Variants in PCCA observed in about 807,000 individuals in gnomAD.
PCCA encodes the protein propionyl-CoA carboxylase alpha chain, mitochondrial.
In PCCA, 74 loss-of-function variants were observed where a neutral mutation model predicts 101.3. The observed-to-expected ratio is 0.73, with a 90% CI of 0.61 to 0.89. The LOEUF (loss-of-function observed/expected upper bound fraction) is 0.89, where lower values mean the gene tolerates loss of function less well. PCCA is among the 40% of genes least tolerant of loss of function. The probability of loss-of-function intolerance (pLI) is 0.00; values close to 1 mark genes in which losing one functional copy is unlikely to be tolerated. For synonymous variants in PCCA, 294 were observed against 313.6 expected (o/e 0.94, Z 0.66); for missense variants, 891 against 907.0 (o/e 0.98, Z 0.23).
chr13:100,410,141 G>T (rs2077943850), intron 19 of PCCA, among the ~76,000 whole-genome samples: 1 of 152,184 alleles, frequency 6.6e-6, no homozygotes, highest in African/African-American at 2.4e-5. Flanking sequence ...TATATGGACT[G>T]GGATTCTTTG....
intron 6 of PCCA, among the ~76,000 whole-genome samples, chr13:100,173,526 G>C (rs971175181): frequency 6.6e-6 from 1 of 152,166 alleles, no homozygotes; most frequent in African/African-American, 2.4e-5. Context: ...CCTAGAGAAA[G>C]GTAGACAAGT....
Position 100,493,562 on chromosome 13 carries a change from C to T in PCCA, c.1900-21865C>T, listed in dbSNP as rs146002907. Among the ~76,000 whole-genome samples the T allele has an allele frequency of 2.2e-4, 33 of 152,280 alleles. No individual in the cohort carries two copies. The East Asian group carries it at 5.8e-3, about 27-fold the overall frequency. On this transcript the variant is annotated intron_variant, in intron 21 of 23. Transcript: ENST00000376285. ...TTGATAAGACTGCCTCAAGCATGTG[C>T]CACAACCCCAGTTCTTGCAAACCCC... is the stretch of plus-strand genomic sequence containing the variant.
chr13:100,105,745 G>A (rs1361915630), intron 2 of PCCA, among the ~76,000 whole-genome samples: 8 of 143,968 alleles, frequency 5.6e-5, no homozygotes, highest in African/African-American at 2.0e-4. Context: ...AGGAAGCTAA[G>A]TTGGGAGGAT....
At chr13:100,340,118 A>G in intron 17 of PCCA, 39 bp from the exon 18 acceptor site, 1 of 1,073,192 alleles carries the variant, frequency 9.3e-7, no homozygotes, top group South Asian at 1.2e-5. Context: ...TGTTAAAATA[A>G]ATGATTGATT....
intron 21 of PCCA, among the ~76,000 whole-genome samples, chr13:100,454,378 A>G (rs1031524544): frequency 1.3e-5 from 2 of 152,202 alleles, no homozygotes; most frequent in Non-Finnish European, 2.9e-5. Context: ...TGGATGGCCA[A>G]TGTGCTTTGT....
intron 21 of PCCA, among the ~76,000 whole-genome samples, chr13:100,498,672 C>T (rs9518085): frequency 0.23 from 34,526 of 151,988 alleles, 4,012 homozygotes; most frequent in Non-Finnish European, 0.25. Context: ...CCACCTCCCC[C>T]AGCAACCCCT....
At chr13:100,218,329 G>T (rs2059631371) in intron 7 of PCCA, among the ~76,000 whole-genome samples, 1 of 148,070 alleles carries the variant, frequency 6.8e-6, no homozygotes, top group Non-Finnish European at 1.5e-5. Flanking sequence ...CCACCACCAT[G>T]TCTGGCTATG....
intron 6 of PCCA, among the ~76,000 whole-genome samples, chr13:100,183,029 T>C (rs1339298616): frequency 6.6e-6 from 1 of 152,172 alleles, no homozygotes; most frequent in African/African-American, 2.4e-5. Context: ...CAAAGGCTGT[T>C]GAGTGTTGTG....
intron 19 of PCCA, among the ~76,000 whole-genome samples, chr13:100,412,157 G>A (rs1306699320): frequency 6.6e-6 from 1 of 152,126 alleles, no homozygotes; most frequent in East Asian, 1.9e-4. Context: ...TCGACAAAAT[G>A]TTAGTGACAG....
At chr13:100,310,056 C>T in intron 16 of PCCA, 148 bp downstream of exon 16, 1 of 675,700 alleles carries the variant, frequency 1.5e-6, no homozygotes, top group Non-Finnish European at 2.7e-6. Context: ...ATCCATCAAA[C>T]CACCATACCA....
At chr13:100,449,969 T>A (rs1435239137) in intron 21 of PCCA, among the ~76,000 whole-genome samples, 1 of 152,210 alleles carries the variant, frequency 6.6e-6, no homozygotes, top group Non-Finnish European at 1.5e-5. Flanking sequence ...CTAGTGTGAG[T>A]TGTAATTTTC....
intron 7 of PCCA, among the ~76,000 whole-genome samples, chr13:100,210,952 C>G (rs2059174634): frequency 6.6e-6 from 1 of 152,222 alleles, no homozygotes; most frequent in South Asian, 2.1e-4. Context: ...TGTTCCACAT[C>G]CTCTGGAAAG....
chr13:100,172,655 A>G (rs1205827416), intron 6 of PCCA, among the ~76,000 whole-genome samples: 2 of 152,256 alleles, frequency 1.3e-5, no homozygotes, highest in Non-Finnish European at 2.9e-5. Context: ...AAATAAGAGT[A>G]CAAGCAAACA....
chr13:100,269,722 C>A (rs981370444), intron 11 of PCCA, among the ~76,000 whole-genome samples: 33 of 152,150 alleles, frequency 2.2e-4, no homozygotes, highest in Admixed American at 5.9e-4. Flanking sequence ...GCTAGCATAT[C>A]TTGATATAAT....
At chr13:100,196,630 A>G (rs1360500756) in intron 6 of PCCA, among the ~76,000 whole-genome samples, 3 of 152,198 alleles carry the variant, frequency 2.0e-5, no homozygotes, top group African/African-American at 7.2e-5. Context: ...AGAAAGACAC[A>G]GGTTCCTTTG....
intron 22 of PCCA, chr13:100,527,311 G>A: frequency 2.1e-6 from 1 of 476,348 alleles, no homozygotes; most frequent in South Asian, 1.5e-5. Context: ...CCTCGAGTCT[G>A]TCTGTAGAGA....
At chr13:100,309,792 A>AT in intron 15 of PCCA, 41 bp from the exon 16 acceptor site, 1 of 1,187,812 alleles carries the variant, frequency 8.4e-7, no homozygotes, top group Non-Finnish European at 1.2e-6. Context: ...CATAGTTCTA[A>AT]ATATATATAT....
At chr13:100,104,330 G>C (rs974273446) in intron 2 of PCCA, 1 of 152,158 alleles carries the variant, frequency 6.6e-6, no homozygotes, top group African/African-American at 2.4e-5. Flanking sequence ...GTTGCAGGGT[G>C]ATATGGTTTG....
chr13:100,462,761 TGACA>T (rs1369783619), intron 21 of PCCA, among the ~76,000 whole-genome samples: 1 of 152,192 alleles, frequency 6.6e-6, no homozygotes, highest in African/African-American at 2.4e-5. Context: ...CTTACACTGG[TGACA>T]GACACTGAAT....
Sources: allele counts gnomAD v4.1 joint callset (sites outside exome capture counted in the v4.1 genomes callset), GRCh38; gene constraint gnomAD v4.1.1; transcripts MANE v1.5; gene names NCBI Gene and HGNC (gene_info 2026-07-23, HGNC 2026-07-21).